The following PLPPR1 variants were observed in gnomAD, a reference collection of about 807,000 sequenced individuals.
PLPPR1 encodes the protein phospholipid phosphatase related 1, also known as phospholipid phosphatase-related protein type 1.
Under a neutral mutation model 33.1 loss-of-function variants are expected in PLPPR1, and 10 were observed. That is an observed-to-expected ratio of 0.30 (90% CI 0.19 to 0.51). The LOEUF is 0.51. Among genes scored for constraint, PLPPR1 ranks in the 20% least tolerant of loss-of-function variants. The pLI, the probability that PLPPR1 is intolerant of heterozygous loss-of-function variation, is 0.97. For missense variants in PLPPR1, 304 were observed against 408.1 expected (o/e 0.74, Z 2.20); for synonymous variants, 151 against 151.0 (o/e 1.00, Z 0.00).
chr9:101,290,447 C>A, intron 4 of PLPPR1, among the ~76,000 whole-genome samples: 1 of 152,132 alleles, frequency 6.6e-6, no homozygotes. Flanking sequence ...GAAAATAAGG[C>A]TTTATGCTGT....
At chr9:101,080,221 G>A (rs959969075) in intron 1 of PLPPR1, among the ~76,000 whole-genome samples, 1 of 152,090 alleles carries the variant, frequency 6.6e-6, no homozygotes, top group African/African-American at 2.4e-5. Flanking sequence ...TTACTGTAGG[G>A]TGATTGGATG....
chr9:101,055,560 C>A (rs1190438383), intron 1 of PLPPR1, among the ~76,000 whole-genome samples: 3 of 152,204 alleles, frequency 2.0e-5, no homozygotes, highest in African/African-American at 7.2e-5. Flanking sequence ...ATCTTAAATA[C>A]TTTATGCTAT....
At chr9:101,238,095 CAT>C (rs1176303196) in intron 2 of PLPPR1, among the ~76,000 whole-genome samples, 2 of 132,732 alleles carry the variant, frequency 1.5e-5, no homozygotes, top group Non-Finnish European at 3.2e-5. Context: ...CATATACATA[CAT>C]ATATATAGCC....
At chr9:101,075,321 T>C (rs190943982) in intron 1 of PLPPR1, among the ~76,000 whole-genome samples, 1 of 152,372 alleles carries the variant, frequency 6.6e-6, no homozygotes, top group African/African-American at 2.4e-5. Context: ...CACCACACCA[T>C]TGGTCTTTTT....
chr9:101,116,047 A>G (rs2118585064), intron 1 of PLPPR1, among the ~76,000 whole-genome samples: 1 of 152,374 alleles, frequency 6.6e-6, no homozygotes, highest in African/African-American at 2.4e-5. Context: ...TCTAGGAATT[A>G]ATACAAATCC....
intron 3 of PLPPR1, among the ~76,000 whole-genome samples, chr9:101,272,906 T>C (rs1239298270): frequency 2.0e-5 from 3 of 152,192 alleles, no homozygotes; most frequent in Admixed American, 2.0e-4. Flanking sequence ...ACCCAGTCAT[T>C]AATTACATTT....
At chr9:101,156,099 G>C (rs893122258) in intron 1 of PLPPR1, among the ~76,000 whole-genome samples, 1 of 152,170 alleles carries the variant, frequency 6.6e-6, no homozygotes, top group African/African-American at 2.4e-5. Context: ...CTCATGAAAT[G>C]AATAGTCTAA....
At chr9:101,084,759 A>G (rs1424628813) in intron 1 of PLPPR1, among the ~76,000 whole-genome samples, 1 of 152,226 alleles carries the variant, frequency 6.6e-6, no homozygotes, top group African/African-American at 2.4e-5. Context: ...CCTAGTGCCT[A>G]TCCTTAAGAA....
intron 1 of PLPPR1, among the ~76,000 whole-genome samples, chr9:101,059,629 A>T (rs887673469): frequency 6.6e-6 from 1 of 152,144 alleles, no homozygotes; most frequent in Admixed American, 6.6e-5. Flanking sequence ...CAAAACCACA[A>T]ATAATCAAAT....
At chr9:101,214,776 A>C (rs1826755433) in intron 2 of PLPPR1, among the ~76,000 whole-genome samples, 1 of 152,172 alleles carries the variant, frequency 6.6e-6, no homozygotes, top group Non-Finnish European at 1.5e-5. Context: ...TAATCCCAGC[A>C]CTTGGGGAGG....
chr9:101,151,665 A>T (rs1480626877), intron 1 of PLPPR1, among the ~76,000 whole-genome samples: 1 of 152,174 alleles, frequency 6.6e-6, no homozygotes, highest in East Asian at 1.9e-4. Flanking sequence ...TTACAAAGGG[A>T]TGGCAACTAT....
At chr9:101,270,831 T>C (rs1775561638) in intron 3 of PLPPR1, among the ~76,000 whole-genome samples, 1 of 152,152 alleles carries the variant, frequency 6.6e-6, no homozygotes, top group African/African-American at 2.4e-5. Flanking sequence ...AAGGTCAGAT[T>C]AGTCAGGATG....
chr9:101,170,765 A>G (rs762407127), intron 1 of PLPPR1, among the ~76,000 whole-genome samples: 1 of 152,118 alleles, frequency 6.6e-6, no homozygotes, highest in Non-Finnish European at 1.5e-5. Context: ...GTGAGACTCT[A>G]TCTTTACAAA....
chr9:101,220,129 T>C (rs1826898827), intron 2 of PLPPR1, among the ~76,000 whole-genome samples: 1 of 152,190 alleles, frequency 6.6e-6, no homozygotes, highest in Non-Finnish European at 1.5e-5. Flanking sequence ...TAGAGCAGTA[T>C]CCTTGGCCCC....
At chr9:101,301,480 A>G (rs1828751162) in intron 4 of PLPPR1, among the ~76,000 whole-genome samples, 1 of 152,214 alleles carries the variant, frequency 6.6e-6, no homozygotes, top group Admixed American at 6.5e-5. Flanking sequence ...ATTCATTTTA[A>G]CAGATAAAGT....
intron 1 of PLPPR1, among the ~76,000 whole-genome samples, chr9:101,085,294 C>G (rs891876576): frequency 4.6e-5 from 7 of 152,002 alleles, no homozygotes; most frequent in Admixed American, 4.6e-4. Flanking sequence ...TATTTAGTTA[C>G]AAAAAAAGAT....
intron 2 of PLPPR1, among the ~76,000 whole-genome samples, chr9:101,264,924 C>T (rs1827960932): frequency 6.6e-6 from 1 of 152,092 alleles, no homozygotes; most frequent in African/African-American, 2.4e-5. Context: ...TACTCTCATT[C>T]CAAACTCTTG....
chr9:101,148,679 G>A (rs1174722358), intron 1 of PLPPR1, among the ~76,000 whole-genome samples: 4 of 152,066 alleles, frequency 2.6e-5, no homozygotes, highest in African/African-American at 9.7e-5. Context: ...AGGTCTTGCT[G>A]TATGTTCACT....
At chr9:101,309,611 C>A (rs542516725) in intron 5 of PLPPR1, 150 bp downstream of exon 5, 3 of 786,428 alleles carry the variant, frequency 3.8e-6, no homozygotes, top group Non-Finnish European at 6.0e-6. Context: ...ATATACTAGC[C>A]CCCCCACACA....
Sources: allele counts gnomAD v4.1 joint callset (sites outside exome capture counted in the v4.1 genomes callset), GRCh38; gene constraint gnomAD v4.1.1; transcripts MANE v1.5; gene names NCBI Gene and HGNC (gene_info 2026-07-23, HGNC 2026-07-21).